RNLS: variants seen among roughly 807,000 people sequenced by gnomAD.
RNLS encodes renalase, FAD dependent amine oxidase.
RNLS carries 39 observed loss-of-function variants against 39.8 expected under a neutral mutation model. The ratio of observed to expected loss-of-function variants is 0.98; its 90% CI spans 0.76 to 1.28. RNLS has a LOEUF of 1.28. Ranked by LOEUF, RNLS falls within the 50% of genes most tolerant of loss-of-function variation. The probability of loss-of-function intolerance (pLI) is 0.00; values close to 1 mark genes in which losing one functional copy is unlikely to be tolerated. For synonymous variants in RNLS, 147 were observed against 150.7 expected (o/e 0.98, Z 0.18); for missense variants, 410 against 413.3 (o/e 0.99, Z 0.07).
Position 88,348,502 on chromosome 10 carries a change from C to T in RNLS, c.700+14050G>A, listed in dbSNP as rs545162760. On this transcript the variant is annotated intron_variant, in intron 5 of 6. Transcript: ENST00000331772. ...CAGAACATGAGGTGTAATGTTGACACAAATGGGACTTAGGGTATTTAATGT... is the reference window on the plus strand; with the variant it reads ...CAGAACATGAGGTGTAATGTTGACATAAATGGGACTTAGGGTATTTAATGT... Among the ~76,000 whole-genome samples the T allele has an allele frequency of 5.3e-5, 8 of 152,242 alleles. No homozygotes were observed. The East Asian group carries it at 1.5e-3, about 29-fold the overall frequency.
chr10:88,537,987 T>C (rs955196679), intron 4 of RNLS, among the ~76,000 whole-genome samples: 2 of 152,190 alleles, frequency 1.3e-5, no homozygotes, highest in African/African-American at 4.8e-5. Context: ...AAAAGAATAA[T>C]GCCTCTTACA....
At chr10:88,207,450 G>A in the RNLS span, among the ~76,000 whole-genome samples, 20 of 151,894 alleles carry the variant, frequency 1.3e-4, no homozygotes, top group African/African-American at 4.4e-4. Flanking sequence ...GACCATTAGG[G>A]GAATGCAAAT....
At chr10:88,325,801 T>C (rs952194623) in intron 5 of RNLS, among the ~76,000 whole-genome samples, 4 of 152,200 alleles carry the variant, frequency 2.6e-5, no homozygotes, top group African/African-American at 9.6e-5. Context: ...GTAATCCCTA[T>C]AATCCTCATG....
chr10:88,566,300 G>C (rs1344572396), intron 4 of RNLS, among the ~76,000 whole-genome samples: 1 of 151,478 alleles, frequency 6.6e-6, no homozygotes, highest in Non-Finnish European at 1.5e-5. Flanking sequence ...TTTTTCATGG[G>C]TATATATTTA....
chr10:88,561,106 C>A (rs1248062679), intron 4 of RNLS, among the ~76,000 whole-genome samples: 1 of 151,990 alleles, frequency 6.6e-6, no homozygotes, highest in African/African-American at 2.4e-5. Context: ...ATAAATACAG[C>A]GAGTCTTCAA....
chr10:88,450,238 G>A (rs928842991), intron 4 of RNLS, among the ~76,000 whole-genome samples: 1 of 152,142 alleles, frequency 6.6e-6, no homozygotes. Flanking sequence ...AGCATGGGCT[G>A]CCTGCTCTCT....
chr10:88,434,924 A>G (rs2133823210), intron 4 of RNLS, among the ~76,000 whole-genome samples: 1 of 152,184 alleles, frequency 6.6e-6, no homozygotes, highest in Admixed American at 6.6e-5. Context: ...GCAGTAGAAA[A>G]TAGGAATTTG....
In RNLS at chr10:88,315,859, TACTC is replaced by T. The variant is rs1448985238; in HGVS notation, c.701-1222_701-1219del. Among the ~76,000 whole-genome samples, 20 of 151,112 alleles carry T rather than the reference TACTC, an allele frequency of 1.3e-4. No individual in the cohort carries two copies. In the East Asian group the frequency reaches 3.3e-3, roughly 25 times the overall value. On this transcript the variant is annotated intron_variant, in intron 5 of 6. Coordinates refer to ENST00000331772, the MANE Select transcript of RNLS (RefSeq NM_001031709.3). ...ATTAAATAACATAGTACACATGAAA[TACTC>T]AGCACAGTTTCTGACACAGAATAGG... is the stretch of plus-strand genomic sequence containing the variant.
the RNLS span, among the ~76,000 whole-genome samples, chr10:88,183,229 A>G: frequency 2.6e-5 from 4 of 152,152 alleles, no homozygotes; most frequent in Admixed American, 6.6e-5. Context: ...AGAGAAAGAC[A>G]TATAAACAAA....
intron 4 of RNLS, among the ~76,000 whole-genome samples, chr10:88,557,808 A>G (rs1220211121): frequency 6.6e-6 from 1 of 152,174 alleles, no homozygotes; most frequent in Non-Finnish European, 1.5e-5. Context: ...GCCAGCTCAG[A>G]TGGGGAAAAG....
At chr10:88,273,238 A>T (rs73348669), downstream of RNLS, among the ~76,000 whole-genome samples, 1,398 of 152,328 alleles carry the variant, frequency 9.2e-3, 22 homozygotes, top group African/African-American at 0.03. Flanking sequence ...GAGCACCTCA[A>T]CACAAGGCCA....
chr10:88,565,927 T>G (rs1395573379), intron 4 of RNLS, among the ~76,000 whole-genome samples: 2 of 151,832 alleles, frequency 1.3e-5, no homozygotes, highest in Non-Finnish European at 2.9e-5. Flanking sequence ...TTTTTGTATT[T>G]TTGGTAGAGA....
chr10:88,362,771 T>G, intron 4 of RNLS, 46 bp from the exon 5 acceptor site: 1 of 1,571,638 alleles, frequency 6.4e-7, no homozygotes, highest in South Asian at 1.2e-5. Context: ...AATACCATCT[T>G]TCCTTTTAGC....
At chr10:88,217,465 A>G in the RNLS span, among the ~76,000 whole-genome samples, 1 of 152,152 alleles carries the variant, frequency 6.6e-6, no homozygotes, top group African/African-American at 2.4e-5. Flanking sequence ...GTAGAAAGTG[A>G]TCCTCACTCT....
chr10:88,420,832 G>A (rs894632538), intron 4 of RNLS, among the ~76,000 whole-genome samples: 1 of 152,238 alleles, frequency 6.6e-6, no homozygotes, highest in Admixed American at 6.5e-5. Context: ...ATAAGGGTGT[G>A]TCTGGCTTTG....
intron 4 of RNLS, among the ~76,000 whole-genome samples, chr10:88,438,699 T>C (rs372736640): frequency 2.0e-5 from 3 of 152,150 alleles, no homozygotes; most frequent in African/African-American, 4.8e-5. Context: ...GGCATAAGAA[T>C]AAAAGAATAC....
intron 5 of RNLS, among the ~76,000 whole-genome samples, chr10:88,351,534 A>T (rs1848706651): frequency 6.6e-6 from 1 of 152,100 alleles, no homozygotes. Flanking sequence ...AAAATCAGAT[A>T]GTTGTAGATG....
At chr10:88,197,010 G>T in the RNLS span, among the ~76,000 whole-genome samples, 10 of 152,156 alleles carry the variant, frequency 6.6e-5, no homozygotes, top group African/African-American at 2.2e-4. Flanking sequence ...TAATGATTCT[G>T]GGAGATGGAC....
At chr10:88,303,678 T>C (rs1844702812) in intron 6 of RNLS, among the ~76,000 whole-genome samples, 2 of 152,114 alleles carry the variant, frequency 1.3e-5, no homozygotes, top group South Asian at 4.1e-4. Context: ...CCAATCACCA[T>C]TGCAGACAGC....
Sources: gnomAD v4.1 joint callset for allele counts (sites outside exome capture counted in the v4.1 genomes callset) on GRCh38, gnomAD v4.1.1 for gene constraint, MANE v1.5 for transcripts, NCBI Gene and HGNC (gene_info 2026-07-23, HGNC 2026-07-21) for gene names.